Variants in DENND1A observed in about 807,000 individuals in gnomAD.
DENND1A encodes the protein DENN domain containing 1A, also known as DENN domain-containing protein 1A.
Under a neutral mutation model 113.7 loss-of-function variants are expected in DENND1A, and 51 were observed. The ratio of observed to expected loss-of-function variants is 0.45; its 90% CI spans 0.36 to 0.57. DENND1A has a LOEUF of 0.57. DENND1A is among the 20% of genes least tolerant of loss of function. The pLI, the probability that DENND1A is intolerant of heterozygous loss-of-function variation, is 0.00. For missense variants in DENND1A, 1,258 were observed against 1,395.9 expected (o/e 0.90, Z 1.57); for synonymous variants, 565 against 570.8 (o/e 0.99, Z 0.14).
chr9:123,720,190 C>A (rs148463550), intron 5 of DENND1A, among the ~76,000 whole-genome samples: 4 of 152,272 alleles, frequency 2.6e-5, no homozygotes, highest in African/African-American at 9.6e-5. Flanking sequence ...AACATCACCA[C>A]GTATTCAAAC....
chr9:123,793,185 G>A (rs574476121), intron 2 of DENND1A, among the ~76,000 whole-genome samples: 1 of 152,136 alleles, frequency 6.6e-6, no homozygotes, highest in Non-Finnish European at 1.5e-5. Flanking sequence ...GAGGACCAAC[G>A]CTTTTGGCTT....
At chr9:123,874,982 A>T (rs1847233509) in intron 2 of DENND1A, among the ~76,000 whole-genome samples, 1 of 152,372 alleles carries the variant, frequency 6.6e-6, no homozygotes, top group Admixed American at 6.5e-5. Context: ...AACTGCGAAC[A>T]ACTTCAAAGG....
At chr9:123,756,405 A>C (rs2070551647) in intron 5 of DENND1A, among the ~76,000 whole-genome samples, 1 of 152,174 alleles carries the variant, frequency 6.6e-6, no homozygotes, top group Non-Finnish European at 1.5e-5. Flanking sequence ...GTTCAATCCA[A>C]ATGTAAATAA....
chr9:123,684,148 T>G (rs760920206), intron 5 of DENND1A, among the ~76,000 whole-genome samples: 1 of 152,316 alleles, frequency 6.6e-6, no homozygotes, highest in East Asian at 1.9e-4. Flanking sequence ...TCAATTGCTA[T>G]GTAAAAAGTT....
rs968396732 is a variant in DENND1A, at chr9:123,457,587, A to G, written c.1099-152T>C. 6 of 792,454 alleles carry G rather than the reference A, an allele frequency of 7.6e-6. No homozygotes were observed. The African/African-American group carries it at 1.0e-4, about 14-fold the overall frequency. The allele number at this position is 792,454 out of a possible 1,614,324, so 49.1% of individuals were successfully genotyped here. ...TTTCTAAAATACCGGCTGCATATTT[A>G]TGATAACTTGGAAAACCACACGGCA... On this transcript the variant is annotated intron_variant, in intron 14 of 23. Transcript: ENST00000394215.
chr9:123,790,161 G>A (rs1032873489), intron 3 of DENND1A, among the ~76,000 whole-genome samples: 7 of 152,182 alleles, frequency 4.6e-5, no homozygotes, highest in Middle Eastern at 6.8e-3. Context: ...ATATTTCTAA[G>A]AATTCCTTTA....
At chr9:123,529,905 C>T (rs1434467121) in intron 13 of DENND1A, among the ~76,000 whole-genome samples, 1 of 152,240 alleles carries the variant, frequency 6.6e-6, no homozygotes, top group African/African-American at 2.4e-5. Context: ...CTACCTCTTA[C>T]TAGCTATTTT....
intron 13 of DENND1A, among the ~76,000 whole-genome samples, chr9:123,521,738 G>C (rs1267026845): frequency 2.0e-5 from 3 of 152,186 alleles, no homozygotes; most frequent in Non-Finnish European, 2.9e-5. Flanking sequence ...CACAGTGATT[G>C]TAAGACTGGG....
At chr9:123,510,189 C>G (rs888402557) in intron 13 of DENND1A, among the ~76,000 whole-genome samples, 1 of 152,250 alleles carries the variant, frequency 6.6e-6, no homozygotes, top group Non-Finnish European at 1.5e-5. Context: ...CTCTCACCAC[C>G]GTGGAGTTCC....
intron 18 of DENND1A, among the ~76,000 whole-genome samples, chr9:123,449,108 G>A (rs1479280819): frequency 6.6e-6 from 1 of 152,164 alleles, no homozygotes; most frequent in African/African-American, 2.4e-5. Context: ...GGCTCAAGGT[G>A]GCCCTGGGCA....
At chr9:123,760,787 T>A (rs2070970494) in intron 4 of DENND1A, among the ~76,000 whole-genome samples, 1 of 152,142 alleles carries the variant, frequency 6.6e-6, no homozygotes, top group Non-Finnish European at 1.5e-5. Flanking sequence ...ATAATTAAAG[T>A]GATTGGGGAG....
intron 5 of DENND1A, among the ~76,000 whole-genome samples, chr9:123,739,942 T>G: frequency 6.6e-6 from 1 of 150,528 alleles, no homozygotes; most frequent in African/African-American, 2.4e-5. Flanking sequence ...AAAAAAGGCT[T>G]CATATAATTT....
chr9:123,686,946 A>G (rs1046675019), intron 5 of DENND1A, among the ~76,000 whole-genome samples: 1 of 152,186 alleles, frequency 6.6e-6, no homozygotes, highest in African/African-American at 2.4e-5. Flanking sequence ...ATATCATTCA[A>G]TCGCAAATCT....
intron 13 of DENND1A, among the ~76,000 whole-genome samples, chr9:123,481,015 C>CT (rs940349430): frequency 1.6e-4 from 25 of 152,044 alleles, no homozygotes; most frequent in African/African-American, 5.3e-4. Flanking sequence ...TTCACACTGA[C>CT]TTTTTTTTTC....
chr9:123,414,483 C>A (rs2044561143), intron 19 of DENND1A: 1 of 1,530,852 alleles, frequency 6.5e-7, no homozygotes. Flanking sequence ...CTGAGAAACA[C>A]CATCCTGGGA....
chr9:123,576,467 T>C (rs2058643080), intron 12 of DENND1A, among the ~76,000 whole-genome samples: 1 of 152,196 alleles, frequency 6.6e-6, no homozygotes, highest in Admixed American at 6.5e-5. Context: ...GACAATGATT[T>C]CTCCAATTTT....
At chr9:123,437,432 C>T (rs996275871) in intron 19 of DENND1A, among the ~76,000 whole-genome samples, 2 of 152,168 alleles carry the variant, frequency 1.3e-5, no homozygotes, top group Admixed American at 6.5e-5. Flanking sequence ...GCACAGGCAC[C>T]GGCTTTGCCA....
At chr9:123,808,378 A>T (rs1835958964) in intron 2 of DENND1A, among the ~76,000 whole-genome samples, 1 of 151,232 alleles carries the variant, frequency 6.6e-6, no homozygotes, top group African/African-American at 2.4e-5. Flanking sequence ...AGTATCCAAT[A>T]ATTTGCTTTT....
At chr9:123,831,736 A>T (rs1373889226) in intron 2 of DENND1A, among the ~76,000 whole-genome samples, 1 of 152,168 alleles carries the variant, frequency 6.6e-6, no homozygotes, top group African/African-American at 2.4e-5. Flanking sequence ...TAATCTCAGC[A>T]CTCTGGGAGG....
Sources: allele counts gnomAD v4.1 joint callset (sites outside exome capture counted in the v4.1 genomes callset), GRCh38; gene constraint gnomAD v4.1.1; transcripts MANE v1.5; gene names NCBI Gene and HGNC (gene_info 2026-07-23, HGNC 2026-07-21).